Variants in PDE10A observed in about 807,000 individuals in gnomAD.
PDE10A encodes the protein cAMP and cAMP-inhibited cGMP 3',5'-cyclic phosphodiesterase 10A.
A neutral mutation model predicts 97.7 loss-of-function variants in PDE10A; 39 were observed. The ratio of observed to expected loss-of-function variants is 0.40; its 90% confidence interval spans 0.31 to 0.52. PDE10A has a LOEUF of 0.52. Ranked by LOEUF, PDE10A falls within the 20% of genes least tolerant of loss-of-function variation. The pLI, the probability that PDE10A is intolerant of heterozygous loss-of-function variation, is 0.56. For synonymous variants in PDE10A, 371 were observed against 376.8 expected (o/e 0.98, Z 0.18); for missense variants, 731 against 1,047.8 (o/e 0.70, Z 4.17).
intron 21 of PDE10A, among the ~76,000 whole-genome samples, chr6:165,335,101 C>T (rs1197224330): frequency 6.6e-6 from 1 of 152,166 alleles, no homozygotes; most frequent in East Asian, 1.9e-4. Context: ...TTGACTTCCT[C>T]AGAGGGAATT....
chr6:165,851,577 C>A (rs1780573386), intron 1 of PDE10A, among the ~76,000 whole-genome samples: 1 of 152,080 alleles, frequency 6.6e-6, no homozygotes, highest in African/African-American at 2.4e-5. Flanking sequence ...ACGAGGTGGG[C>A]TATTGTAGGT....
intron 1 of PDE10A, among the ~76,000 whole-genome samples, chr6:165,794,624 T>C (rs1778780799): frequency 6.6e-6 from 1 of 151,930 alleles, no homozygotes; most frequent in South Asian, 2.1e-4. Context: ...CATACACATG[T>C]ATCTCACACA....
chr6:165,542,696 G>A (rs920716618), intron 2 of PDE10A, among the ~76,000 whole-genome samples: 2 of 138,084 alleles, frequency 1.4e-5, no homozygotes, highest in African/African-American at 5.5e-5. Flanking sequence ...TCGGCTCACT[G>A]CAAGCTCCGC....
intron 1 of PDE10A, among the ~76,000 whole-genome samples, chr6:165,634,104 C>T (rs902263210): frequency 6.6e-6 from 1 of 152,282 alleles, no homozygotes; most frequent in African/African-American, 2.4e-5. Context: ...TCCCTCACGG[C>T]TTCTGTTTCA....
chr6:165,903,350 A>T (rs2461726), intron 1 of PDE10A, among the ~76,000 whole-genome samples: 1 of 151,990 alleles, frequency 6.6e-6, no homozygotes, highest in Non-Finnish European at 1.5e-5. Context: ...TAGTTTAGTA[A>T]TAGTGAAGAT....
chr6:165,981,633 C>G (rs1463769906), intron 1 of PDE10A, among the ~76,000 whole-genome samples: 1 of 152,118 alleles, frequency 6.6e-6, no homozygotes, highest in Non-Finnish European at 1.5e-5. Context: ...CTTCTTTGGC[C>G]CACTGGATGG....
chr6:165,618,913 C>A (rs2128405746), intron 1 of PDE10A, among the ~76,000 whole-genome samples: 1 of 151,726 alleles, frequency 6.6e-6, no homozygotes, highest in South Asian at 2.1e-4. Context: ...GTCTCTCCTT[C>A]ATATGAGAGA....
chr6:165,956,955 G>A (rs1002463656), intron 1 of PDE10A, among the ~76,000 whole-genome samples: 4 of 152,206 alleles, frequency 2.6e-5, no homozygotes, highest in African/African-American at 9.6e-5. Flanking sequence ...CAGCCCAGGG[G>A]TTGATGGATA....
intron 1 of PDE10A, among the ~76,000 whole-genome samples, chr6:165,818,032 C>T (rs903927066): frequency 2.8e-4 from 43 of 152,212 alleles, no homozygotes; most frequent in African/African-American, 8.7e-4. Context: ...CTCATACCTG[C>T]TCTCTGAGCG....
intron 1 of PDE10A, among the ~76,000 whole-genome samples, chr6:165,806,092 T>C (rs988462382): frequency 6.8e-6 from 1 of 147,262 alleles, no homozygotes. Context: ...TAAGAACATC[T>C]TTTTCTGGGC....
intron 2 of PDE10A, among the ~76,000 whole-genome samples, chr6:165,519,769 T>C (rs1224217178): frequency 6.6e-6 from 1 of 152,192 alleles, no homozygotes; most frequent in East Asian, 1.9e-4. Context: ...TGTTGTTTAA[T>C]ATACATATTT....
intron 1 of PDE10A, among the ~76,000 whole-genome samples, chr6:165,568,789 T>A (rs939924094): frequency 9.2e-5 from 14 of 152,218 alleles, no homozygotes; most frequent in African/African-American, 3.4e-4. Flanking sequence ...CTTGCTAAGA[T>A]CTGCTGTCAG....
chr6:165,407,522 T>C (rs2128223917), intron 13 of PDE10A, among the ~76,000 whole-genome samples: 1 of 152,362 alleles, frequency 6.6e-6, no homozygotes, highest in Middle Eastern at 3.4e-3. Flanking sequence ...ATAAGAGTTG[T>C]TCTTATCATA....
chr6:165,935,034 A>G lies in PDE10A; in HGVS notation c.-615+52495T>C, dbSNP rs139530986. On this transcript the variant is annotated intron_variant, in intron 1 of 19. Transcript: ENST00000366882. ...GCTTCCATGAAGTTACAAAGAATGT[A>G]GTTATCAGACGTAGTTCCTTCCCCC... is the stretch of plus-strand genomic sequence containing the variant. Among the ~76,000 whole-genome samples, 505 of 152,340 alleles carry G rather than the reference A, an allele frequency of 3.3e-3. 3 individuals carry two copies. Among genetic ancestry groups the G allele is most frequent in the African/African-American group, 0.011 (469 of 41,582 alleles).
intron 21 of PDE10A, among the ~76,000 whole-genome samples, chr6:165,334,477 C>T (rs564363628): frequency 6.6e-5 from 10 of 152,124 alleles, no homozygotes; most frequent in Admixed American, 3.9e-4. Context: ...CGCCCTACAG[C>T]ACCGGGCATG....
chr6:165,878,633 C>A (rs908461302), intron 1 of PDE10A, among the ~76,000 whole-genome samples: 3 of 152,186 alleles, frequency 2.0e-5, no homozygotes, highest in Non-Finnish European at 2.9e-5. Flanking sequence ...AAGACATCCA[C>A]GTCTTAATCT....
At chr6:165,701,328 AC>A (rs1256510973) in intron 1 of PDE10A, among the ~76,000 whole-genome samples, 1 of 152,228 alleles carries the variant, frequency 6.6e-6, no homozygotes, top group East Asian at 1.9e-4. Context: ...TGTGTGCAGG[AC>A]AAAAACCCAA....
At chr6:165,469,670 G>A (rs1778870985) in intron 3 of PDE10A, among the ~76,000 whole-genome samples, 1 of 151,902 alleles carries the variant, frequency 6.6e-6, no homozygotes, top group Admixed American at 6.6e-5. Context: ...AAGAATGAGT[G>A]GTTTTCCATC....
chr6:165,411,210 G>T (rs1435207194), intron 13 of PDE10A, among the ~76,000 whole-genome samples: 1 of 151,468 alleles, frequency 6.6e-6, no homozygotes, highest in Non-Finnish European at 1.5e-5. Context: ...GACTCAAGAG[G>T]TCTGCAGATG....
Sources: allele counts gnomAD v4.1 joint callset (sites outside exome capture counted in the v4.1 genomes callset), GRCh38; gene constraint gnomAD v4.1.1; transcripts MANE v1.5; gene names NCBI Gene and HGNC (gene_info 2026-07-23, HGNC 2026-07-21).